The following PHTF2 variants were observed in gnomAD, a reference collection of about 807,000 sequenced individuals.
PHTF2 encodes putative homeodomain transcription factor 2.
A neutral mutation model predicts 101.2 loss-of-function variants in PHTF2; 60 were observed. That is an observed-to-expected ratio of 0.59 (90% CI 0.48 to 0.73). PHTF2 has a LOEUF of 0.73. Ranked by LOEUF, PHTF2 falls within the 30% of genes least tolerant of loss-of-function variation. PHTF2 has a pLI of 0.00. For synonymous variants in PHTF2, 311 were observed against 307.3 expected, an observed-to-expected ratio of 1.01 and a Z score of -0.13; for missense variants, 747 against 908.7, an observed-to-expected ratio of 0.82 and a Z score of 2.29.
chr7:77,834,439 T>C lies in PHTF2; in HGVS notation c.-35-5782T>C, dbSNP rs186275556. 3.3e-5 allele frequency among the ~76,000 whole-genome samples: 5 copies of C among 152,228 alleles called. No individual in the cohort carries two copies. In the East Asian group the frequency reaches 9.6e-4, roughly 29 times the overall value. ...TATACATTGTTCTTTGTATCACAAA[T>C]TCCAGAAACATGAAGATAAATGAGT... On this transcript the variant is annotated intron_variant, in intron 1 of 19. Coordinates refer to ENST00000416283, the Ensembl canonical transcript of PHTF2.
At chr7:77,936,427 A>G (rs1167604983) in intron 12 of PHTF2, among the ~76,000 whole-genome samples, 1 of 152,192 alleles carries the variant, frequency 6.6e-6, no homozygotes, top group Non-Finnish European at 1.5e-5. Flanking sequence ...CTGTAATCCC[A>G]GCACTTTGGG....
At chr7:77,922,655 T>C (rs756251181) in exon 11 of PHTF2, 1 of 1,611,308 alleles carries the variant, frequency 6.2e-7, no homozygotes. Flanking sequence ...ATGTCTCTGA[T>C]GAAGTCTCCA....
At chr7:77,941,571 A>G (rs915031059) in intron 15 of PHTF2, among the ~76,000 whole-genome samples, 1 of 152,218 alleles carries the variant, frequency 6.6e-6, no homozygotes, top group African/African-American at 2.4e-5. Context: ...ACGTAAGCTT[A>G]TACTTCAGTG....
intron 1 of PHTF2, among the ~76,000 whole-genome samples, chr7:77,832,810 TTATAA>T (rs1795171193): frequency 6.6e-6 from 1 of 151,888 alleles, no homozygotes; most frequent in African/African-American, 2.4e-5. Context: ...TCATTATATA[TTATAA>T]TGTAATAATA....
At chr7:77,922,751 C>T (rs768100956) in exon 11 of PHTF2, 4 of 1,602,860 alleles carry the variant, frequency 2.5e-6, no homozygotes, top group South Asian at 2.2e-5. Flanking sequence ...GAAAGTCACA[C>T]CATTATAAGA....
intron 18 of PHTF2, among the ~76,000 whole-genome samples, 177 bp from the exon 18 acceptor site, chr7:77,953,592 A>G (rs985923688): frequency 2.0e-5 from 3 of 152,354 alleles, no homozygotes; most frequent in South Asian, 2.1e-4. Flanking sequence ...CTTTAAAACC[A>G]TTAAAACTAT....
intron 3 of PHTF2, among the ~76,000 whole-genome samples, chr7:77,855,039 C>T (rs1797065834): frequency 6.6e-6 from 1 of 152,220 alleles, no homozygotes; most frequent in Non-Finnish European, 1.5e-5. Context: ...GAAGGAATCA[C>T]TCTTTGTAGC....
intron 9 of PHTF2, among the ~76,000 whole-genome samples, chr7:77,914,994 C>T (rs1802771719): frequency 1.3e-5 from 2 of 151,952 alleles, no homozygotes; most frequent in Admixed American, 1.3e-4. Flanking sequence ...TCACTGCAAC[C>T]TCCGCCTCCC....
chr7:77,877,652 T>C (rs1799058926), intron 3 of PHTF2, among the ~76,000 whole-genome samples: 1 of 152,214 alleles, frequency 6.6e-6, no homozygotes, highest in Non-Finnish European at 1.5e-5. Context: ...AGCAATGTTC[T>C]CATTAAACTT....
chr7:77,947,837 C>CTTTTTTTTTCTTTTTTTTTTTTTTTT (rs1806200086), intron 16 of PHTF2, among the ~76,000 whole-genome samples: 1 of 73,806 alleles, frequency 1.4e-5, no homozygotes, highest in Admixed American at 2.0e-4. Context: ...TTTTTTCTTT[C>CTTTTTTTTTCTTTTTTTTTTTTTTTT]TTTTTTTTTT....
chr7:77,834,536 G>A (rs114020209), intron 1 of PHTF2, among the ~76,000 whole-genome samples: 3,151 of 152,226 alleles, frequency 0.021, 88 homozygotes, highest in African/African-American at 0.071. Flanking sequence ...CTTGACTCAA[G>A]TCCTATACTC....
intron 9 of PHTF2, among the ~76,000 whole-genome samples, chr7:77,911,369 A>C (rs1007409686): frequency 2.8e-4 from 43 of 152,264 alleles, no homozygotes; most frequent in African/African-American, 1.0e-3. Flanking sequence ...TAATTACAGC[A>C]AACATTAAAA....
intron 3 of PHTF2, among the ~76,000 whole-genome samples, chr7:77,865,782 C>A (rs906616894): frequency 1.3e-5 from 2 of 151,974 alleles, no homozygotes; most frequent in African/African-American, 4.8e-5. Flanking sequence ...GTTTTTTATT[C>A]TTAAATTAAG....
At chr7:77,900,465 A>G (rs949227046) in intron 5 of PHTF2, among the ~76,000 whole-genome samples, 1 of 152,198 alleles carries the variant, frequency 6.6e-6, no homozygotes, top group Non-Finnish European at 1.5e-5. Flanking sequence ...TTTGTAGTAG[A>G]ATTTTACTGT....
At chr7:77,828,343 A>G (rs1794837481) in intron 1 of PHTF2, among the ~76,000 whole-genome samples, 1 of 152,252 alleles carries the variant, frequency 6.6e-6, no homozygotes, top group Non-Finnish European at 1.5e-5. Context: ...AACCCAAAGA[A>G]TGCTCAAGGA....
intron 1 of PHTF2, among the ~76,000 whole-genome samples, chr7:77,824,514 T>A (rs1794558303): frequency 6.6e-6 from 1 of 152,014 alleles, no homozygotes; most frequent in Admixed American, 6.6e-5. Flanking sequence ...CAACCTCCAC[T>A]TCCTGGGTTC....
In PHTF2 at chr7:77,820,276, G is replaced by T. The variant is rs143205108; in HGVS notation, c.-35-19945G>T. Among the ~76,000 whole-genome samples, 15 of 152,262 alleles carry T rather than the reference G, an allele frequency of 9.9e-5. 1 individual carries two copies. The highest frequency in any genetic ancestry group is 3.4e-4 in the African/African-American group (14 of 41,544). Reference sequence around the variant, plus strand: ...TTTCTTCCTGGTTCAATCTTGGTAGGTGTTACGTGTCCAGGAACTTATCTA... The same window carrying T: ...TTTCTTCCTGGTTCAATCTTGGTAGTTGTTACGTGTCCAGGAACTTATCTA... On this transcript the variant is annotated intron_variant, in intron 1 of 19. Transcript: ENST00000416283.
intron 16 of PHTF2, among the ~76,000 whole-genome samples, chr7:77,943,214 G>A (rs549079054): frequency 1.3e-4 from 20 of 152,214 alleles, no homozygotes; most frequent in African/African-American, 4.6e-4. Context: ...TCCGCCTCCC[G>A]GGTTCACGCC....
chr7:77,865,786 A>G lies in PHTF2; in HGVS notation c.147+10952A>G, dbSNP rs545696968. Among the ~76,000 whole-genome samples, 3 of 152,240 alleles carry G rather than the reference A, an allele frequency of 2.0e-5. 1 individual carries two copies. The South Asian group carries it at 6.2e-4, about 32-fold the overall frequency. ...TAATTTATATAGTTTTTTATTCTTA[A>G]ATTAAGTACCTTTGATGTGCCATGT... On this transcript the variant is annotated intron_variant, in intron 3 of 19. Transcript: ENST00000416283.
Sources: gnomAD v4.1 joint callset for allele counts (sites outside exome capture counted in the v4.1 genomes callset) on GRCh38, gnomAD v4.1.1 for gene constraint, MANE v1.5 for transcripts, NCBI Gene and HGNC (gene_info 2026-07-23, HGNC 2026-07-21) for gene names.